Variants in TCF12 observed in about 807,000 individuals in gnomAD.
TCF12 encodes the protein DNA-binding protein HTF4.
TCF12 carries 45 observed loss-of-function variants against 86.0 expected under a neutral mutation model. The ratio of observed to expected loss-of-function variants is 0.52; its 90% CI spans 0.41 to 0.67. The LOEUF (loss-of-function observed/expected upper bound fraction) is 0.67. Among genes scored for constraint, TCF12 ranks in the 30% least tolerant of loss-of-function variants. The probability of loss-of-function intolerance (pLI) is 0.00; values close to 1 mark genes in which losing one functional copy is unlikely to be tolerated. For missense variants in TCF12, 881 were observed against 859.9 expected, an observed-to-expected ratio of 1.02 and a Z score of -0.31; for synonymous variants, 330 against 299.6, an observed-to-expected ratio of 1.10 and a Z score of -1.05.
At chr15:57,204,444 A>G (rs994358071) in intron 8 of TCF12, among the ~76,000 whole-genome samples, 4 of 152,110 alleles carry the variant, frequency 2.6e-5, no homozygotes, top group African/African-American at 9.7e-5. Flanking sequence ...TGACAGAGCC[A>G]AGACTCTGTC....
chr15:57,141,450 A>C (rs1323364973), intron 5 of TCF12, among the ~76,000 whole-genome samples: 2 of 152,198 alleles, frequency 1.3e-5, no homozygotes, highest in African/African-American at 4.8e-5. Context: ...CCCAGGTTCA[A>C]GTGATTCTCC....
At chr15:57,218,285 G>A (rs1229064715) in intron 8 of TCF12, among the ~76,000 whole-genome samples, 2 of 152,144 alleles carry the variant, frequency 1.3e-5, no homozygotes, top group African/African-American at 4.8e-5. Flanking sequence ...AAGGCATAGA[G>A]GGAAGGATAG....
intron 3 of TCF12, among the ~76,000 whole-genome samples, chr15:56,967,776 A>G (rs1385314638): frequency 6.6e-6 from 1 of 152,194 alleles, no homozygotes; most frequent in East Asian, 1.9e-4. Flanking sequence ...ATCAAGGCAG[A>G]TGCTTTCTAG....
chr15:57,139,703 A>C (rs1408622867), intron 5 of TCF12, among the ~76,000 whole-genome samples: 4 of 152,208 alleles, frequency 2.6e-5, no homozygotes, highest in African/African-American at 7.2e-5. Context: ...GCATTCATAG[A>C]AAAAGTATGC....
intron 6 of TCF12, among the ~76,000 whole-genome samples, chr15:57,170,668 T>C (rs1283932092): frequency 1.3e-4 from 2 of 15,138 alleles, no homozygotes; most frequent in African/African-American, 6.0e-4. Flanking sequence ...AAAATATATA[T>C]ATATATAATA....
intron 3 of TCF12, among the ~76,000 whole-genome samples, chr15:56,992,089 A>G (rs28612876): frequency 2.0e-5 from 3 of 150,650 alleles, no homozygotes; most frequent in Non-Finnish European, 4.4e-5. Flanking sequence ...TCGTGTCTCT[A>G]CTAAAAAAAA....
At chr15:56,939,067 G>C (rs2060612426) in intron 3 of TCF12, among the ~76,000 whole-genome samples, 1 of 152,086 alleles carries the variant, frequency 6.6e-6, no homozygotes. Context: ...CCTACTTCCA[G>C]TTATTCTTCA....
chr15:57,273,061 G>C lies in TCF12; in HGVS notation c.1777G>C (p.Glu593Gln). The change falls in exon 19 of 21, where the codon GAA (glutamate) becomes CAA (glutamine). Residue 593 changes from glutamate to glutamine, a missense_variant. Glu to Gln is a conservative substitution (Grantham distance 29, BLOSUM62 2). This residue lies in a region of TCF12 where 766 missense variants were observed against 718.9 expected (regional missense o/e 1.07). Transcript: ENST00000333725. ...TAATGAAGATGAGGATTTGAACCCT[G>C]AACAGAAGATAGAAAGGGAGAAGGA... ...STNEDEDLNP[E>Q]QKIEREKERR... The C allele has an allele frequency of 1.9e-6, 3 of 1,614,194 alleles. No homozygotes were observed. Among genetic ancestry groups the C allele is most frequent in the Non-Finnish European group, 2.5e-6 (3 of 1,180,028 alleles).
chr15:57,244,144 G>A (rs2059751597), intron 13 of TCF12, among the ~76,000 whole-genome samples: 1 of 152,076 alleles, frequency 6.6e-6, no homozygotes, highest in Non-Finnish European at 1.5e-5. Context: ...CCCCCAAAAT[G>A]CTGGGATTAC....
At chr15:56,988,339 C>T (rs1223954267) in intron 3 of TCF12, among the ~76,000 whole-genome samples, 1 of 152,084 alleles carries the variant, frequency 6.6e-6, no homozygotes, top group African/African-American at 2.4e-5. Context: ...GGCTACAAAC[C>T]TGTACAGCAT....
chr15:57,108,444 A>G (rs1486842976), intron 5 of TCF12, among the ~76,000 whole-genome samples: 1 of 152,176 alleles, frequency 6.6e-6, no homozygotes, highest in Non-Finnish European at 1.5e-5. Context: ...ACTGTCTTTT[A>G]TAATGTCAAT....
At chr15:57,125,540 A>C (rs1372610704) in intron 5 of TCF12, among the ~76,000 whole-genome samples, 1 of 152,246 alleles carries the variant, frequency 6.6e-6, no homozygotes, top group Non-Finnish European at 1.5e-5. Flanking sequence ...TTTAAACTTA[A>C]AGATACCAGA....
intron 3 of TCF12, among the ~76,000 whole-genome samples, chr15:57,060,337 G>T (rs2068367094): frequency 6.6e-6 from 1 of 152,124 alleles, no homozygotes; most frequent in Non-Finnish European, 1.5e-5. Context: ...TAAAAATGGA[G>T]CTCATAGAAT....
chr15:57,149,449 G>C (rs1241996268), intron 5 of TCF12, among the ~76,000 whole-genome samples: 2 of 152,166 alleles, frequency 1.3e-5, no homozygotes, highest in Non-Finnish European at 1.5e-5. Flanking sequence ...TTTAGAAATA[G>C]CTATGTGTGT....
chr15:56,975,527 T>TA (rs748812331), intron 3 of TCF12, among the ~76,000 whole-genome samples: 3 of 152,156 alleles, frequency 2.0e-5, no homozygotes, highest in Non-Finnish European at 2.9e-5. Flanking sequence ...CTCATTATTC[T>TA]AAAAAAATGA....
intron 3 of TCF12, among the ~76,000 whole-genome samples, chr15:56,997,527 C>CATTTATG (rs2063778385): frequency 6.6e-6 from 1 of 152,128 alleles, no homozygotes; most frequent in African/African-American, 2.4e-5. Context: ...ATATTGTGCT[C>CATTTATG]ACCACCTGCA....
At chr15:57,075,822 C>CTCTCTCTCTCTCTCTCTG (rs1567370957) in intron 4 of TCF12, among the ~76,000 whole-genome samples, 1 of 56,386 alleles carries the variant, frequency 1.8e-5, no homozygotes, top group Non-Finnish European at 3.5e-5. Context: ...CTCTCTCTCT[C>CTCTCTCTCTCTCTCTCTG]TCTCTCTCTC....
At chr15:57,212,051 A>G (rs531992618) in intron 8 of TCF12, among the ~76,000 whole-genome samples, 1 of 151,698 alleles carries the variant, frequency 6.6e-6, no homozygotes, top group Non-Finnish European at 1.5e-5. Context: ...ATGCCAGTGG[A>G]TCACAGCTTG....
chr15:57,008,864 C>A (rs1267936390), intron 3 of TCF12, among the ~76,000 whole-genome samples: 1 of 151,898 alleles, frequency 6.6e-6, no homozygotes, highest in African/African-American at 2.4e-5. Flanking sequence ...CATGAAAGGG[C>A]CTTTGGTATC....
Sources: gnomAD v4.1 joint callset for allele counts (sites outside exome capture counted in the v4.1 genomes callset) on GRCh38, gnomAD v4.1.1 for gene constraint, gnomAD v4.1.1 regional missense constraint, MANE v1.5 for transcripts, NCBI Gene and HGNC (gene_info 2026-07-23, HGNC 2026-07-21) for gene names.